The following ATG7 variants were observed in gnomAD, a reference collection of about 807,000 sequenced individuals.
ATG7 encodes the protein autophagy related 7, also known as ubiquitin-like modifier-activating enzyme ATG7.
A neutral mutation model predicts 82.4 loss-of-function variants in ATG7; 70 were observed. That is an observed-to-expected ratio of 0.85 (90% CI 0.70 to 1.04). The LOEUF (loss-of-function observed/expected upper bound fraction) is 1.04, where lower values mean the gene tolerates loss of function less well. Ranked by LOEUF, ATG7 falls within the 50% of genes least tolerant of loss-of-function variation. The pLI, the probability that ATG7 is intolerant of heterozygous loss-of-function variation, is 0.00. For missense variants in ATG7, 792 were observed against 864.3 expected, an observed-to-expected ratio of 0.92 and a Z score of 1.05; for synonymous variants, 287 against 313.0, an observed-to-expected ratio of 0.92 and a Z score of 0.88.
intron 19 of ATG7, among the ~76,000 whole-genome samples, chr3:11,400,979 G>A (rs952288976): frequency 2.0e-5 from 3 of 152,180 alleles, no homozygotes; most frequent in South Asian, 2.1e-4. Flanking sequence ...AGGAGAAATA[G>A]CTAAAGATGG....
rs1191651384 is a variant in ATG7 at position 11,299,349 on chromosome 3, T to C, written c.161-13T>C. On this transcript the variant is annotated splice_polypyrimidine_tract_variant and intron_variant, in intron 4 of 20. Transcript: ENST00000693202. ...TGACTTGTCATTGAAAATGTGATAA[T>C]GCTTCTGTCCAGGTGACTCTGCTGG... 1 of 1,605,884 alleles carries C rather than the reference T, an allele frequency of 6.2e-7. No homozygotes were observed. The highest frequency in any genetic ancestry group is 8.5e-7 in the Non-Finnish European group (1 of 1,172,600).
intron 20 of ATG7, among the ~76,000 whole-genome samples, chr3:11,554,565 G>A (rs2072210420): frequency 6.6e-6 from 1 of 152,200 alleles, no homozygotes; most frequent in South Asian, 2.1e-4. Flanking sequence ...GGTGAGCAGA[G>A]GCACATTCCC....
At chr3:11,294,586 ATATT>A (rs1945550979) in intron 3 of ATG7, among the ~76,000 whole-genome samples, 1 of 152,194 alleles carries the variant, frequency 6.6e-6, no homozygotes, top group African/African-American at 2.4e-5. Flanking sequence ...AAGCCAAAAA[ATATT>A]TAATAGGAGT....
chr3:11,417,810 A>ATTATT (rs1559578532), intron 19 of ATG7, among the ~76,000 whole-genome samples: 6 of 97,986 alleles, frequency 6.1e-5, no homozygotes, highest in African/African-American at 2.6e-4. Context: ...ATTTTATTTT[A>ATTATT]TTTTATTTTT....
At chr3:11,530,755 C>T (rs1166611010) in intron 20 of ATG7, among the ~76,000 whole-genome samples, 1 of 152,112 alleles carries the variant, frequency 6.6e-6, no homozygotes, top group Non-Finnish European at 1.5e-5. Flanking sequence ...CTGAGTCAGG[C>T]AGATCACTTG....
At chr3:11,566,999 G>T in the ATG7 span, among the ~76,000 whole-genome samples, 1 of 152,184 alleles carries the variant, frequency 6.6e-6, no homozygotes, top group Admixed American at 6.5e-5. Context: ...GGAGTCAACT[G>T]GAGGCGCATT....
At chr3:11,471,240 C>T (rs1173376059) in intron 20 of ATG7, among the ~76,000 whole-genome samples, 2 of 152,126 alleles carry the variant, frequency 1.3e-5, no homozygotes, top group South Asian at 2.1e-4. Context: ...CAGCTCCTAC[C>T]GCTGGCCCCA....
At chr3:11,375,031 A>G (rs890274444) in intron 18 of ATG7, among the ~76,000 whole-genome samples, 15 of 80,572 alleles carry the variant, frequency 1.9e-4, no homozygotes, top group African/African-American at 7.8e-4. Context: ...GCGAGACCTC[A>G]TCTCTCTTAA....
At chr3:11,414,060 GT>G (rs954736025) in intron 19 of ATG7, among the ~76,000 whole-genome samples, 11 of 152,018 alleles carry the variant, frequency 7.2e-5, no homozygotes, top group Non-Finnish European at 1.5e-4. Flanking sequence ...AAATAATGGA[GT>G]TTTTTGTTTT....
At chr3:11,291,052 T>G (rs901073318) in intron 3 of ATG7, among the ~76,000 whole-genome samples, 3 of 152,066 alleles carry the variant, frequency 2.0e-5, no homozygotes, top group African/African-American at 7.2e-5. Context: ...TAGAATAGAG[T>G]TTTCTTTTTT....
At chr3:11,364,498 T>C (rs2076471751) in intron 17 of ATG7, among the ~76,000 whole-genome samples, 161 bp from the exon 18 acceptor site, 1 of 152,234 alleles carries the variant, frequency 6.6e-6, no homozygotes, top group South Asian at 2.1e-4. Flanking sequence ...ATTACTCTTC[T>C]TGCCCTTTGT....
chr3:11,541,985 T>C (rs1049762428), intron 20 of ATG7, among the ~76,000 whole-genome samples: 3 of 152,214 alleles, frequency 2.0e-5, no homozygotes, highest in African/African-American at 7.2e-5. Context: ...TACCATCTAA[T>C]TTTAAAAATG....
At chr3:11,395,952 AAAAAAAAAAAAAAGGT>A (rs1422279892) in intron 19 of ATG7, among the ~76,000 whole-genome samples, 3 of 125,360 alleles carry the variant, frequency 2.4e-5, no homozygotes, top group Non-Finnish European at 3.2e-5. Flanking sequence ...AAAAAAAAAA[AAAAAAAAAAAAAAGGT>A]AGGGGGGGAA....
At chr3:11,341,130 C>G (rs1225960267) in intron 12 of ATG7, among the ~76,000 whole-genome samples, 4 of 146,652 alleles carry the variant, frequency 2.7e-5, no homozygotes, top group Admixed American at 6.8e-5. Context: ...GGCGCAATCT[C>G]TGCTCACTGC....
At chr3:11,472,850 C>G (rs149471206) in intron 20 of ATG7, among the ~76,000 whole-genome samples, 1 of 152,144 alleles carries the variant, frequency 6.6e-6, no homozygotes, top group Non-Finnish European at 1.5e-5. Flanking sequence ...ATTTGCACAC[C>G]GTTTTTCATG....
Position 11,342,272 on chromosome 3 carries a change from C to G in ATG7, c.1118C>G (p.Thr373Arg). The G allele has an allele frequency of 6.2e-7, 1 of 1,612,172 alleles. No homozygotes were observed. Among genetic ancestry groups the G allele is most frequent in the Non-Finnish European group, 8.5e-7 (1 of 1,179,576 alleles). Residue 373 changes from threonine (T) to arginine (R), a missense_variant, in exon 13 of 21, where the codon ACG becomes AGG. Coordinates refer to ENST00000693202, the MANE Select transcript of ATG7 (RefSeq NM_001349232.2). ...AGTLGCNVAR[T>R]LMGWGVRHIT... is the part of the protein sequence containing the mutation. ...ACCTTGGGTTGCAATGTAGCTAGGA[C>G]GTTGATGGTAAGTCGGAGGTGGGGG...
At chr3:11,365,051 G>C (rs2076510861) in intron 18 of ATG7, among the ~76,000 whole-genome samples, 1 of 152,190 alleles carries the variant, frequency 6.6e-6, no homozygotes, top group African/African-American at 2.4e-5. Flanking sequence ...TCCCAGCCCT[G>C]CCGTTATAAA....
rs80280444 is a variant in ATG7 at position 11,379,569 on chromosome 3, A to G, written c.1876-403A>G. On this transcript the variant is annotated intron_variant, in intron 18 of 20. Coordinates refer to ENST00000693202, the MANE Select transcript of ATG7 (RefSeq NM_001349232.2). ...GTGAGACCCCACCCAAAATCATGTCATAGAAATGTGTATTTACCCCATATT... is the reference window on the plus strand; with the variant it reads ...GTGAGACCCCACCCAAAATCATGTCGTAGAAATGTGTATTTACCCCATATT... Among the ~76,000 whole-genome samples the G allele has an allele frequency of 6.6e-5, 10 of 152,342 alleles. No homozygotes were observed. The East Asian group carries it at 1.9e-3, about 29-fold the overall frequency.
At chr3:11,567,910 G>A in the ATG7 span, among the ~76,000 whole-genome samples, 3 of 152,230 alleles carry the variant, frequency 2.0e-5, no homozygotes, top group Admixed American at 6.5e-5. Context: ...TTCATGAAGT[G>A]CATAGACCTG....
Sources: gnomAD v4.1 joint callset for allele counts (sites outside exome capture counted in the v4.1 genomes callset) on GRCh38, gnomAD v4.1.1 for gene constraint, MANE v1.5 for transcripts, NCBI Gene and HGNC (gene_info 2026-07-23, HGNC 2026-07-21) for gene names.